The following DPP10 variants were observed in gnomAD, a reference collection of about 807,000 sequenced individuals.
The protein encoded by DPP10 is inactive dipeptidyl peptidase 10.
DPP10 carries 33 observed loss-of-function variants against 120.9 expected under a neutral mutation model. That is an observed-to-expected ratio of 0.27 (90% CI 0.21 to 0.37). The LOEUF (loss-of-function observed/expected upper bound fraction) is 0.37, where lower values mean the gene tolerates loss of function less well. Among genes scored for constraint, DPP10 ranks in the 10% least tolerant of loss-of-function variants. The pLI is 1.00. For missense variants in DPP10, 816 were observed against 942.8 expected (o/e 0.87, Z 1.76); for synonymous variants, 337 against 326.1 (o/e 1.03, Z -0.36).
chr2:115,248,592 A>G (rs2058632709), intron 1 of DPP10, among the ~76,000 whole-genome samples: 1 of 152,074 alleles, frequency 6.6e-6, no homozygotes, highest in African/African-American at 2.4e-5. Flanking sequence ...GGTAATGATG[A>G]AGTAGGTAAA....
intron 24 of DPP10, among the ~76,000 whole-genome samples, chr2:115,838,929 T>C (rs565952214): frequency 1.6e-4 from 24 of 152,288 alleles, no homozygotes; most frequent in Admixed American, 6.5e-4. Context: ...AGCAAATGAA[T>C]TCAATCACCC....
At chr2:115,804,991 A>G (rs1685747143) in intron 19 of DPP10, among the ~76,000 whole-genome samples, 1 of 152,184 alleles carries the variant, frequency 6.6e-6, no homozygotes, top group African/African-American at 2.4e-5. Flanking sequence ...TGCAGAGGTT[A>G]TTGCTGTCTT....
chr2:114,628,864 A>G (rs1231593388), intron 1 of DPP10, among the ~76,000 whole-genome samples: 4 of 152,268 alleles, frequency 2.6e-5, no homozygotes, highest in Non-Finnish European at 4.4e-5. Flanking sequence ...AATACACTGC[A>G]AAGTTGACAA....
chr2:115,325,803 A>G (rs2062327253), intron 2 of DPP10, among the ~76,000 whole-genome samples: 1 of 152,188 alleles, frequency 6.6e-6, no homozygotes, highest in Non-Finnish European at 1.5e-5. Context: ...GGAAGATGGC[A>G]GAATTCTCAT....
At chr2:115,060,023 A>C (rs1430842714) in intron 1 of DPP10, among the ~76,000 whole-genome samples, 1 of 152,018 alleles carries the variant, frequency 6.6e-6, no homozygotes, top group African/African-American at 2.4e-5. Flanking sequence ...CCTTATCTTC[A>C]ATGTAATTTA....
At chr2:115,106,711 C>A (rs1441278220) in intron 1 of DPP10, among the ~76,000 whole-genome samples, 3 of 152,102 alleles carry the variant, frequency 2.0e-5, no homozygotes, top group African/African-American at 7.2e-5. Context: ...TCCTTCCACC[C>A]CAGCTTCCCA....
At chr2:115,522,994 A>G (rs1376543599) in intron 4 of DPP10, among the ~76,000 whole-genome samples, 1 of 152,184 alleles carries the variant, frequency 6.6e-6, no homozygotes, top group East Asian at 1.9e-4. Context: ...ACTAAGAGGG[A>G]TTGACCTAAG....
At chr2:115,073,142 T>A (rs1463492197) in intron 1 of DPP10, among the ~76,000 whole-genome samples, 2 of 152,264 alleles carry the variant, frequency 1.3e-5, no homozygotes, top group African/African-American at 4.8e-5. Context: ...TTCCTGATTT[T>A]GTCTTCCATG....
intron 1 of DPP10, chr2:115,233,912 C>T (rs1430615551): frequency 3.9e-6 from 2 of 517,070 alleles, no homozygotes; most frequent in Non-Finnish European, 7.7e-6. Flanking sequence ...CTTCTTCTGC[C>T]CAGTAGTATC....
intron 1 of DPP10, among the ~76,000 whole-genome samples, chr2:115,041,128 A>C (rs1005598609): frequency 6.6e-6 from 1 of 151,676 alleles, no homozygotes; most frequent in African/African-American, 2.4e-5. Context: ...AAAAAAAAAA[A>C]AAAAAAAAAA....
intron 17 of DPP10, among the ~76,000 whole-genome samples, chr2:115,789,282 A>G (rs927510503): frequency 6.6e-6 from 1 of 152,204 alleles, no homozygotes; most frequent in Non-Finnish European, 1.5e-5. Context: ...AGAAAGTATG[A>G]TAGTTTGTTA....
At chr2:115,603,560 G>GTTTTTTTTTTTTTTTT (rs10637786) in intron 5 of DPP10, among the ~76,000 whole-genome samples, 2 of 126,432 alleles carry the variant, frequency 1.6e-5, no homozygotes, top group African/African-American at 3.0e-5. Context: ...CGTTGTTGTT[G>GTTTTTTTTTTTTTTTT]TTTTTTTTTG....
intron 3 of DPP10, among the ~76,000 whole-genome samples, chr2:115,473,522 G>C (rs2074869544): frequency 6.6e-6 from 1 of 152,066 alleles, no homozygotes; most frequent in South Asian, 2.1e-4. Context: ...TGAGACTCAT[G>C]GGGTAAACTT....
intron 1 of DPP10, among the ~76,000 whole-genome samples, chr2:115,092,691 A>G (rs1281540425): frequency 6.6e-6 from 1 of 152,212 alleles, no homozygotes; most frequent in African/African-American, 2.4e-5. Flanking sequence ...ATATTAGAAA[A>G]TGCAACAGGG....
At chr2:115,011,787 C>T (rs1004799912) in intron 1 of DPP10, among the ~76,000 whole-genome samples, 2 of 152,074 alleles carry the variant, frequency 1.3e-5, no homozygotes. Flanking sequence ...AATCCACACA[C>T]CCTTTGAAAG....
chr2:115,402,675 C>T (rs961349028), intron 3 of DPP10, among the ~76,000 whole-genome samples: 2 of 149,312 alleles, frequency 1.3e-5, no homozygotes, highest in Admixed American at 6.7e-5. Flanking sequence ...TGAGGAAAAG[C>T]GCAGGACTGG....
intron 1 of DPP10, among the ~76,000 whole-genome samples, chr2:114,598,042 A>G (rs989676575): frequency 3.9e-5 from 6 of 151,920 alleles, no homozygotes; most frequent in African/African-American, 1.4e-4. Context: ...AAGGTAAATG[A>G]AACTGGAATT....
chr2:115,820,833 G>A (rs1203721455), intron 21 of DPP10, among the ~76,000 whole-genome samples: 1 of 149,938 alleles, frequency 6.7e-6, no homozygotes. Context: ...GTGTGTGTGT[G>A]TGTATCTCAC....
chr2:115,130,484 G>GCATC (rs202237369), intron 1 of DPP10, among the ~76,000 whole-genome samples: 51 of 137,220 alleles, frequency 3.7e-4, no homozygotes, highest in African/African-American at 1.1e-3. Context: ...ATCCATCCAT[G>GCATC]CATCCATCCA....
Sources: gnomAD v4.1 joint callset for allele counts (sites outside exome capture counted in the v4.1 genomes callset) on GRCh38, gnomAD v4.1.1 for gene constraint, MANE v1.5 for transcripts, NCBI Gene and HGNC (gene_info 2026-07-23, HGNC 2026-07-21) for gene names.